Variants in ZNF578 observed in about 807,000 individuals in gnomAD.
ZNF578 encodes the protein zinc finger protein 578, also known as Putative chemokine-related protein B42.
ZNF578 carries 8 observed loss-of-function variants against 8.3 expected under a neutral mutation model. The ratio of observed to expected loss-of-function variants is 0.96; its 90% CI spans 0.56 to 1.74. The LOEUF (loss-of-function observed/expected upper bound fraction) is 1.74, where lower values mean the gene tolerates loss of function less well. ZNF578 is among the 40% of genes most tolerant of loss of function. The pLI is 0.00. For synonymous variants in ZNF578, 206 were observed against 232.2 expected (o/e 0.89, Z 1.03); for missense variants, 726 against 707.5 (o/e 1.03, Z -0.30).
chr19:52,463,196 T>C (rs530806708), intron 2 of ZNF578, among the ~76,000 whole-genome samples: 1 of 152,332 alleles, frequency 6.6e-6, no homozygotes, highest in East Asian at 1.9e-4. Context: ...CAGTAGCCTG[T>C]CCATTGTCTG....
chr19:52,482,190 C>T (rs1050796670), intron 2 of ZNF578, among the ~76,000 whole-genome samples: 5 of 152,176 alleles, frequency 3.3e-5, no homozygotes, highest in African/African-American at 9.6e-5. Flanking sequence ...TGCACCACAA[C>T]GCCCGGCTAA....
intron 2 of ZNF578, among the ~76,000 whole-genome samples, chr19:52,490,925 A>G (rs1392497258): frequency 6.6e-6 from 1 of 152,186 alleles, no homozygotes; most frequent in Non-Finnish European, 1.5e-5. Flanking sequence ...AGTATATTGT[A>G]TGGTCTTTTA....
intron 4 of ZNF578, among the ~76,000 whole-genome samples, chr19:52,503,204 G>C (rs2059413600): frequency 6.6e-6 from 1 of 152,066 alleles, no homozygotes. Context: ...TTTTTATATT[G>C]TATTTTTATT....
intron 2 of ZNF578, among the ~76,000 whole-genome samples, chr19:52,464,767 T>A (rs1474868179): frequency 6.6e-6 from 1 of 152,354 alleles, no homozygotes; most frequent in South Asian, 2.1e-4. Context: ...TGTGTGACTG[T>A]TTAACATATC....
At chr19:52,475,653 G>A (rs1362869185) in intron 2 of ZNF578, among the ~76,000 whole-genome samples, 1 of 152,162 alleles carries the variant, frequency 6.6e-6, no homozygotes, top group Non-Finnish European at 1.5e-5. Flanking sequence ...CACCGCGCCT[G>A]GCTGAGTGCA....
At chr19:52,459,713 A>ATGTGTG (rs1555751309) in intron 2 of ZNF578, among the ~76,000 whole-genome samples, 752 of 18,172 alleles carry the variant, frequency 0.041, 33 homozygotes, top group African/African-American at 0.088. Flanking sequence ...ATATGTAGAT[A>ATGTGTG]TGTGTGTGTG....
intron 3 of ZNF578, among the ~76,000 whole-genome samples, chr19:52,499,997 C>G (rs1471050465): frequency 6.6e-6 from 1 of 152,226 alleles, no homozygotes; most frequent in Admixed American, 6.5e-5. Flanking sequence ...TGAGGTTGCT[C>G]CTGTCTCAGG....
chr19:52,510,745 AG>A lies in ZNF578; in HGVS notation c.365del (p.Arg122LysfsTer14). 1 of 1,612,874 alleles carries A rather than the reference AG, an allele frequency of 6.2e-7. No individual in the cohort carries two copies. Among genetic ancestry groups the A allele is most frequent in the Non-Finnish European group, 8.5e-7 (1 of 1,179,532 alleles). On this transcript the variant is annotated frameshift_variant, in exon 6 of 6. Coordinates refer to ENST00000421239, the MANE Select transcript of ZNF578 (RefSeq NM_001099694.2). LOFTEE classifies it low-confidence loss of function (END_TRUNC). Reference protein sequence around the residue: ...DFEFQSQKDERNGHEASMPKI... With the variant: ...DFEFQSQKDEXNGHEASMPKI... ...TGAGTTTCAGTCACAAAAAGATGAA[AG>A]AAATGGCCATGAAGCATCCATGCCA... is the stretch of plus-strand genomic sequence containing the variant.
At chr19:52,474,875 G>A (rs757732962) in intron 2 of ZNF578, 22 of 198,176 alleles carry the variant, frequency 1.1e-4, no homozygotes, top group South Asian at 8.0e-4. Context: ...AGAACTTGCC[G>A]CATTCATTAC....
rs753922766 is a variant in ZNF578 at position 52,510,644 on chromosome 19, G to T, written c.263G>T (p.Gly88Val). ...GQGNTEVIHT[G>V]MLQRHESYHT... ...GGCAATACAGAAGTGATCCACACAG[G>T]GATGTTGCAAAGACATGAAAGTTAT... Residue 88 changes from glycine to valine, a missense_variant, in exon 6 of 6, where the codon GGG (glycine) becomes GTG (valine). By Grantham distance (109) the Gly-to-Val change is moderately radical (BLOSUM62 -3). Coordinates refer to ENST00000421239, the MANE Select transcript of ZNF578 (RefSeq NM_001099694.2). The T allele has an allele frequency of 1.2e-6, 2 of 1,610,300 alleles. No individual in the cohort carries two copies. The highest frequency in any genetic ancestry group is 1.7e-5 in the Admixed American group (1 of 59,332).
chr19:52,478,311 G>T (rs1187449798), intron 2 of ZNF578, among the ~76,000 whole-genome samples: 2 of 152,184 alleles, frequency 1.3e-5, no homozygotes, highest in African/African-American at 4.8e-5. Context: ...ACTCTAGTGG[G>T]GTGTGTTGAT....
chr19:52,504,816 G>C, intron 5 of ZNF578, 35 bp downstream of exon 5: 1 of 1,612,302 alleles, frequency 6.2e-7, no homozygotes. Context: ...TGAGGAGTCT[G>C]CTCTTGTCTG....
At chr19:52,474,675 G>C (rs754798758) in intron 2 of ZNF578, 5 of 286,378 alleles carry the variant, frequency 1.7e-5, no homozygotes, top group African/African-American at 4.5e-5. Flanking sequence ...TCTGATGATT[G>C]ATAAGGGATA....
At chr19:52,459,711 A>ATGTGTG (rs1331070098) in intron 2 of ZNF578, among the ~76,000 whole-genome samples, 2 of 5,924 alleles carry the variant, frequency 3.4e-4, no homozygotes, top group African/African-American at 1.4e-3. Flanking sequence ...GTATATGTAG[A>ATGTGTG]TATGTGTGTG....
At chr19:52,508,971 G>A (rs939751088) in intron 5 of ZNF578, among the ~76,000 whole-genome samples, 6 of 134,996 alleles carry the variant, frequency 4.4e-5, no homozygotes, top group South Asian at 4.7e-4. Context: ...GCACGATCTC[G>A]GCTCACTGCA....
chr19:52,481,308 C>T (rs972813750), intron 2 of ZNF578, among the ~76,000 whole-genome samples: 3 of 152,134 alleles, frequency 2.0e-5, no homozygotes, highest in Non-Finnish European at 2.9e-5. Flanking sequence ...TGCCATGTTG[C>T]CGTGGACCCT....
At chr19:52,481,654 C>T (rs2059326805) in intron 2 of ZNF578, among the ~76,000 whole-genome samples, 1 of 152,178 alleles carries the variant, frequency 6.6e-6, no homozygotes, top group African/African-American at 2.4e-5. Flanking sequence ...TCACTCTCTT[C>T]CCTTTTCCCA....
rs1196664414 is a variant in ZNF578, at chr19:52,498,838, A to G, written c.-19-2989A>G. Among the ~76,000 whole-genome samples, 5 of 152,024 alleles carry G rather than the reference A, an allele frequency of 3.3e-5. No individual in the cohort carries two copies. The South Asian group carries it at 1.0e-3, about 32-fold the overall frequency. ...GCTGGAACCACAGATGCACGCCACG[A>G]TGCCTGGCTAATTTTTTGTATTTTT... On this transcript the variant is annotated intron_variant, in intron 3 of 5. Transcript: ENST00000421239.
Position 52,511,630 on chromosome 19 carries a change from C to T in ZNF578, c.1249C>T (p.His417Tyr). 1 of 1,613,196 alleles carries T rather than the reference C, an allele frequency of 6.2e-7. No homozygotes were observed. The highest frequency in any genetic ancestry group is 8.5e-7 in the Non-Finnish European group (1 of 1,179,146). Residue 417 changes from histidine (H) to tyrosine (Y), a missense_variant, in exon 6 of 6, where the codon CAT becomes TAT. Transcript: ENST00000421239. ...TAATCAACAATCACACCTTTCACGT[C>T]ATCATAGACTTCATACTGGAGAGAA... Reference protein sequence around the residue: ...AFNQQSHLSRHHRLHTGEKPY... With the variant: ...AFNQQSHLSRYHRLHTGEKPY...
Sources: gnomAD v4.1 joint callset for allele counts (sites outside exome capture counted in the v4.1 genomes callset) on GRCh38, gnomAD v4.1.1 for gene constraint, MANE v1.5 for transcripts, NCBI Gene and HGNC (gene_info 2026-07-23, HGNC 2026-07-21) for gene names.